ZFHX3: variants seen among roughly 807,000 people sequenced by gnomAD.
ZFHX3 encodes the protein zinc finger homeobox protein 3.
A neutral mutation model predicts 279.1 loss-of-function variants in ZFHX3; 42 were observed. The ratio of observed to expected loss-of-function variants is 0.15; its 90% CI spans 0.12 to 0.19. The LOEUF (loss-of-function observed/expected upper bound fraction) is 0.19, where lower values mean the gene tolerates loss of function less well. Among genes scored for constraint, ZFHX3 ranks in the 10% least tolerant of loss-of-function variants. ZFHX3 has a pLI of 1.00. For synonymous variants in ZFHX3, 2,293 were observed against 1,957.8 expected, an observed-to-expected ratio of 1.17 and a Z score of -4.52; for missense variants, 4,981 against 4,754.0, an observed-to-expected ratio of 1.05 and a Z score of -1.40.
chr16:73,839,595 G>T (rs1961245552), intron 1 of ZFHX3, among the ~76,000 whole-genome samples: 1 of 152,138 alleles, frequency 6.6e-6, no homozygotes, highest in East Asian at 1.9e-4. Context: ...AATGTTCAAG[G>T]GGATTTTAAG....
chr16:73,268,536 G>C (rs776493510), intron 4 of ZFHX3, among the ~76,000 whole-genome samples: 2 of 152,192 alleles, frequency 1.3e-5, no homozygotes. Flanking sequence ...GTTTTGTCTT[G>C]CCTCAAGCCC....
chr16:72,860,205 G>C (rs543838945), intron 4 of ZFHX3, among the ~76,000 whole-genome samples: 2 of 152,148 alleles, frequency 1.3e-5, no homozygotes, highest in East Asian at 3.9e-4. Context: ...AAAACACAGA[G>C]CCCCCTCCAG....
At chr16:73,803,947 C>A (rs886855129) in intron 1 of ZFHX3, among the ~76,000 whole-genome samples, 2 of 152,012 alleles carry the variant, frequency 1.3e-5, no homozygotes, top group African/African-American at 4.8e-5. Flanking sequence ...ATGGCTTGAG[C>A]CCAGGATGAG....
chr16:73,511,640 G>A (rs2019430388), intron 2 of ZFHX3, among the ~76,000 whole-genome samples: 1 of 152,174 alleles, frequency 6.6e-6, no homozygotes, highest in Admixed American at 6.5e-5. Flanking sequence ...GTGAAAACCA[G>A]GGGCTCTCTA....
chr16:73,836,893 G>C (rs1168813214), intron 1 of ZFHX3, among the ~76,000 whole-genome samples: 2 of 152,162 alleles, frequency 1.3e-5, no homozygotes, highest in African/African-American at 4.8e-5. Flanking sequence ...TATAAAGTGA[G>C]GTTGCCTCTC....
At position 73,695,971 on chromosome 16, in the gene ZFHX3, G is replaced by A. The variant is rs564627927; in HGVS notation, c.-1607-15731C>T. On this transcript the variant is annotated intron_variant, in intron 1 of 17. Coordinates refer to the ZFHX3 transcript ENST00000641206. ...AGGTGGAAACTGTCTTATGCCAAGA[G>A]ATAACTTAGACTTGTCCTGACTATA... Among the ~76,000 whole-genome samples the A allele has an allele frequency of 2.6e-5, 4 of 152,306 alleles. No individual in the cohort carries two copies. The South Asian group carries it at 6.2e-4, about 24-fold the overall frequency.
chr16:73,206,473 C>G (rs757091704), intron 5 of ZFHX3, among the ~76,000 whole-genome samples: 1 of 152,106 alleles, frequency 6.6e-6, no homozygotes, highest in Non-Finnish European at 1.5e-5. Context: ...CTTTATATCC[C>G]TAGGGAAGCT....
chr16:73,784,794 AAAATATAT>A (rs1297125072), intron 1 of ZFHX3, among the ~76,000 whole-genome samples: 3 of 114,226 alleles, frequency 2.6e-5, no homozygotes, highest in African/African-American at 1.0e-4. Context: ...AATAAAAAAA[AAAATATAT>A]ATATATATAT....
chr16:73,878,027 A>T (rs1313266815), intron 1 of ZFHX3, among the ~76,000 whole-genome samples: 1 of 152,000 alleles, frequency 6.6e-6, no homozygotes, highest in Non-Finnish European at 1.5e-5. Context: ...TCTCCATACC[A>T]TCATTTCTCT....
intron 1 of ZFHX3, among the ~76,000 whole-genome samples, chr16:73,834,551 A>G (rs1765936582): frequency 6.6e-6 from 1 of 152,230 alleles, no homozygotes; most frequent in African/African-American, 2.4e-5. Context: ...TAGGCCAGGA[A>G]TTAAACTAGC....
At position 73,831,458 on chromosome 16, in the gene ZFHX3, C is replaced by G. The variant is rs2142358309; in HGVS notation, c.-1608+60193G>C. On this transcript the variant is annotated intron_variant, in intron 1 of 17. Transcript: ENST00000641206. ...CAGATGGGAATGGGCAAAATGACAG[C>G]TGGAAGAGTGAGGTTTCGGGAAGAT... 2.0e-5 allele frequency among the ~76,000 whole-genome samples: 3 copies of G among 151,816 alleles called. No homozygotes were observed. In the Middle Eastern group the frequency reaches 0.01, roughly 516 times the overall value.
chr16:73,417,858 A>G (rs1291341174), intron 3 of ZFHX3, among the ~76,000 whole-genome samples: 1 of 151,350 alleles, frequency 6.6e-6, no homozygotes, highest in East Asian at 1.9e-4. Context: ...GCATGGTGGC[A>G]GGCGCCTGTA....
Position 72,950,556 on chromosome 16 carries a change from G to A in ZFHX3, c.3129C>T (p.Asn1043=), listed in dbSNP as rs777943050. The A allele has an allele frequency of 7.3e-5, 118 of 1,614,124 alleles. No homozygotes were observed. The highest frequency in any genetic ancestry group is 1.3e-4 in the Admixed American group (8 of 60,010). Residue 1043 remains asparagine (N), a synonymous_variant, in exon 3 of 10, where the codon AAC becomes AAT. Coordinates refer to ENST00000268489, the MANE Select transcript of ZFHX3 (RefSeq NM_006885.4). ...AIGNPVHLKC[N]ACDYYTNSLE... is the part of the protein sequence containing the mutation. ...GGCTGTTGGTGTAGTAGTCACAGGC[G>A]TTGCACTTGAGGTGCACGGGGTTGC...
At chr16:73,069,382 G>GT (rs895267694) in intron 8 of ZFHX3, among the ~76,000 whole-genome samples, 4 of 152,124 alleles carry the variant, frequency 2.6e-5, no homozygotes, top group African/African-American at 9.7e-5. Context: ...ATGCACACTT[G>GT]TTTTTTCCCC....
At position 72,788,612 on chromosome 16, in the gene ZFHX3, G is replaced by A; in HGVS notation, c.9664C>T (p.Pro3222Ser). The change falls in exon 10 of 10, where the codon CCA becomes TCA. Residue 3222 changes from proline (P) to serine (S), a missense_variant. Transcript: ENST00000268489. Reference sequence around the variant, plus strand: ...TGCTGCTGTTGCAGTGGGAGCTGTGGTGTGGGTGGCGGCTGGGCTGCTGGC... The same window carrying A: ...TGCTGCTGTTGCAGTGGGAGCTGTGATGTGGGTGGCGGCTGGGCTGCTGGC... ...PPPAAQPPPTPQLPLQQQQQR... is the reference protein window; with the variant it reads ...PPPAAQPPPTSQLPLQQQQQR... 6.2e-7 allele frequency: 1 copy of A among 1,613,626 alleles called. No individual in the cohort carries two copies. Among genetic ancestry groups the A allele is most frequent in the Non-Finnish European group, 8.5e-7 (1 of 1,179,852 alleles).
intron 1 of ZFHX3, among the ~76,000 whole-genome samples, chr16:72,981,478 C>T (rs1962597274): frequency 6.6e-6 from 1 of 152,228 alleles, no homozygotes; most frequent in African/African-American, 2.4e-5. Flanking sequence ...TTAACACTTT[C>T]AGTGAGTTTA....
At chr16:73,878,635 TTTTTC>T (rs1214463344) in intron 1 of ZFHX3, among the ~76,000 whole-genome samples, 2 of 152,032 alleles carry the variant, frequency 1.3e-5, no homozygotes, top group African/African-American at 4.8e-5. Flanking sequence ...TTTTTTTTTC[TTTTTC>T]TTAAGTCAAA....
At chr16:73,323,249 C>T (rs1454700148) in intron 3 of ZFHX3, among the ~76,000 whole-genome samples, 1 of 152,030 alleles carries the variant, frequency 6.6e-6, no homozygotes, top group Admixed American at 6.6e-5. Flanking sequence ...GGAAACAGTA[C>T]AGGAAAAGGT....
chr16:73,293,774 G>A (rs1029024274), intron 4 of ZFHX3: 1 of 152,220 alleles, frequency 6.6e-6, no homozygotes, highest in Non-Finnish European at 1.5e-5. Context: ...TGGGTAATAA[G>A]AACCATTCAC....
Sources: gnomAD v4.1 joint callset for allele counts (sites outside exome capture counted in the v4.1 genomes callset) on GRCh38, gnomAD v4.1.1 for gene constraint, MANE v1.5 for transcripts, NCBI Gene and HGNC (gene_info 2026-07-23, HGNC 2026-07-21) for gene names.